NELL1: variants seen among roughly 807,000 people sequenced by gnomAD.
NELL1 encodes neural EGFL like 1, also known as protein kinase C-binding protein NELL1.
A neutral mutation model predicts 107.4 loss-of-function variants in NELL1; 76 were observed. The observed-to-expected ratio is 0.71, with a 90% CI of 0.59 to 0.86. The LOEUF (loss-of-function observed/expected upper bound fraction) is 0.86, where lower values mean the gene tolerates loss of function less well. Among genes scored for constraint, NELL1 ranks in the 40% least tolerant of loss-of-function variants. NELL1 has a pLI of 0.00. For synonymous variants in NELL1, 353 were observed against 341.2 expected (o/e 1.03, Z -0.38); for missense variants, 1,024 against 1,005.5 (o/e 1.02, Z -0.25).
In NELL1 at chr11:20,776,447, CA is replaced by C. The variant is rs1249404111; in HGVS notation, c.185-7226del. Among the ~76,000 whole-genome samples, 8 of 150,354 alleles carry C rather than the reference CA, an allele frequency of 5.3e-5. No homozygotes were observed. The South Asian group carries it at 1.7e-3, about 32-fold the overall frequency. ...TGGGTGACAGAGTGAGATACTGTCTCAAAAAAATAAATAAAAATAAAATAAA... is the reference window on the plus strand; with the variant it reads ...TGGGTGACAGAGTGAGATACTGTCTCAAAAAATAAATAAAAATAAAATAAA... On this transcript the variant is annotated intron_variant, in intron 2 of 19. Transcript: ENST00000357134.
At chr11:21,068,237 A>G (rs1228374071) in intron 12 of NELL1, among the ~76,000 whole-genome samples, 1 of 152,064 alleles carries the variant, frequency 6.6e-6, no homozygotes, top group African/African-American at 2.4e-5. Context: ...AATGATGGCT[A>G]ACATTTCTGG....
At position 20,732,195 on chromosome 11, in the gene NELL1, C is replaced by T. The variant is rs16906698; in HGVS notation, c.185-51485C>T. Among the ~76,000 whole-genome samples, 1,267 of 152,212 alleles carry T rather than the reference C, an allele frequency of 8.3e-3. 14 individuals carry two copies. Among genetic ancestry groups the T allele is most frequent in the African/African-American group, 0.029 (1,186 of 41,520 alleles). ...GGTGATCTGATTTACACTGGGCCCACTTGCTACCACCTGAGACCTAGATAG... is the reference window on the plus strand; with the variant it reads ...GGTGATCTGATTTACACTGGGCCCATTTGCTACCACCTGAGACCTAGATAG... On this transcript the variant is annotated intron_variant, in intron 2 of 19. Transcript: ENST00000357134.
At chr11:21,126,011 T>C (rs976239028) in intron 13 of NELL1, among the ~76,000 whole-genome samples, 2 of 152,206 alleles carry the variant, frequency 1.3e-5, no homozygotes, top group African/African-American at 4.8e-5. Flanking sequence ...GAGCTCAGCA[T>C]AGAGTAAACG....
chr11:20,785,121 A>G (rs561582250), intron 3 of NELL1, among the ~76,000 whole-genome samples: 1 of 152,310 alleles, frequency 6.6e-6, no homozygotes, highest in Admixed American at 6.5e-5. Flanking sequence ...ACAGAGGTGA[A>G]GAAATATAGA....
chr11:21,279,944 A>T (rs999791942), intron 14 of NELL1, among the ~76,000 whole-genome samples: 1 of 152,240 alleles, frequency 6.6e-6, no homozygotes, highest in Admixed American at 6.5e-5. Context: ...GCACAATACT[A>T]GGTGACAGAA....
chr11:20,818,328 C>T (rs7130897), intron 3 of NELL1, among the ~76,000 whole-genome samples: 112,928 of 150,834 alleles, frequency 0.75, 44,320 homozygotes, highest in East Asian at 0.96. Context: ...TTTCAGCATA[C>T]GTAACGTCTT....
rs111255537 is a variant in NELL1, at chr11:21,465,192, G to A, written c.1646-69182G>A. Among the ~76,000 whole-genome samples, 551 of 152,188 alleles carry A rather than the reference G, an allele frequency of 3.6e-3. 6 individuals are homozygous for A. Among genetic ancestry groups the A allele is most frequent in the African/African-American group, 0.013 (527 of 41,542 alleles). ...GGCCATCACAGAAAGCAGTGGGCAG[G>A]AAGAAGCAGGGGCCCTAGAGTTGCT... is the stretch of plus-strand genomic sequence containing the variant. On this transcript the variant is annotated intron_variant, in intron 15 of 19. Transcript: ENST00000357134.
At chr11:21,219,243 A>C (rs930545455) in intron 13 of NELL1, among the ~76,000 whole-genome samples, 3 of 152,156 alleles carry the variant, frequency 2.0e-5, no homozygotes, top group African/African-American at 7.2e-5. Context: ...GATGTTGAGC[A>C]TTTTAAAAAT....
intron 13 of NELL1, among the ~76,000 whole-genome samples, chr11:21,168,892 T>A (rs1203173301): frequency 6.6e-6 from 1 of 152,016 alleles, no homozygotes; most frequent in South Asian, 2.1e-4. Flanking sequence ...GGTATTTGCA[T>A]TGGTTAAACT....
chr11:21,027,244 A>C (rs747441358), intron 12 of NELL1, among the ~76,000 whole-genome samples: 11 of 152,144 alleles, frequency 7.2e-5, no homozygotes, highest in Non-Finnish European at 1.0e-4. Flanking sequence ...TACTTGGATC[A>C]TCAAAAAGGG....
chr11:21,157,287 C>T (rs1033997884), intron 13 of NELL1, among the ~76,000 whole-genome samples: 3 of 152,008 alleles, frequency 2.0e-5, no homozygotes, highest in Non-Finnish European at 4.4e-5. Context: ...CTGACTCACT[C>T]AATCTGATTA....
At position 21,500,973 on chromosome 11, in the gene NELL1, A is replaced by G. The variant is rs190504381; in HGVS notation, c.1646-33401A>G. On this transcript the variant is annotated intron_variant, in intron 15 of 19. Coordinates refer to ENST00000357134, the MANE Select transcript of NELL1 (RefSeq NM_006157.5). ...GTTCTGATATCCAGAGTATTTAGGT[A>G]TTTTACTGATTGTAGGGGGCTACCA... 3.0e-4 allele frequency among the ~76,000 whole-genome samples: 46 copies of G among 152,128 alleles called. No homozygotes were observed. In the South Asian group the frequency reaches 4.4e-3, roughly 14 times the overall value.
At chr11:21,107,332 A>AG (rs1196448011) in intron 12 of NELL1, among the ~76,000 whole-genome samples, 1 of 152,158 alleles carries the variant, frequency 6.6e-6, no homozygotes, top group Admixed American at 6.5e-5. Flanking sequence ...CAATTAAAAA[A>AG]AAATCAGTAT....
At chr11:20,771,110 C>T (rs1043163241) in intron 2 of NELL1, among the ~76,000 whole-genome samples, 2 of 152,102 alleles carry the variant, frequency 1.3e-5, no homozygotes, top group Admixed American at 1.3e-4. Flanking sequence ...CAGGCTTCTG[C>T]AATGCAGAGG....
intron 3 of NELL1, among the ~76,000 whole-genome samples, chr11:20,804,859 T>G (rs1857348697): frequency 6.6e-6 from 1 of 152,210 alleles, no homozygotes; most frequent in Non-Finnish European, 1.5e-5. Context: ...CTGAATGATC[T>G]GTCTGAAAGT....
At chr11:20,816,612 A>G (rs1057391251) in intron 3 of NELL1, among the ~76,000 whole-genome samples, 1 of 152,092 alleles carries the variant, frequency 6.6e-6, no homozygotes, top group Non-Finnish European at 1.5e-5. Flanking sequence ...CCTTCTTTTC[A>G]TATTTGGATG....
intron 12 of NELL1, among the ~76,000 whole-genome samples, chr11:21,020,508 T>C (rs1484657004): frequency 3.3e-5 from 5 of 152,220 alleles, no homozygotes; most frequent in African/African-American, 1.2e-4. Flanking sequence ...TTTTGTTTTT[T>C]TTTCTTTTTT....
At chr11:21,068,457 A>G (rs1853933278) in intron 12 of NELL1, among the ~76,000 whole-genome samples, 1 of 152,214 alleles carries the variant, frequency 6.6e-6, no homozygotes, top group African/African-American at 2.4e-5. Flanking sequence ...TAAACAACGG[A>G]TAATTCTATA....
intron 4 of NELL1, among the ~76,000 whole-genome samples, chr11:20,864,257 G>C (rs1339291620): frequency 6.6e-6 from 1 of 152,166 alleles, no homozygotes; most frequent in Non-Finnish European, 1.5e-5. Flanking sequence ...TTGTGGAATG[G>C]TTAGAACTAG....
Sources: allele counts gnomAD v4.1 joint callset (sites outside exome capture counted in the v4.1 genomes callset), GRCh38; gene constraint gnomAD v4.1.1; transcripts MANE v1.5; gene names NCBI Gene and HGNC (gene_info 2026-07-23, HGNC 2026-07-21).